The following ANKRD6 variants were observed in gnomAD, a reference collection of about 807,000 sequenced individuals.
ANKRD6 encodes the protein ankyrin repeat domain-containing protein 6.
Under a neutral mutation model 82.3 loss-of-function variants are expected in ANKRD6, and 56 were observed. That is an observed-to-expected ratio of 0.68 (90% CI 0.55 to 0.85). The LOEUF (loss-of-function observed/expected upper bound fraction) is 0.85. Ranked by LOEUF, ANKRD6 falls within the 40% of genes least tolerant of loss-of-function variation. ANKRD6 has a pLI of 0.00. For missense variants in ANKRD6, 852 were observed against 907.6 expected, an observed-to-expected ratio of 0.94 and a Z score of 0.79; for synonymous variants, 347 against 352.1, an observed-to-expected ratio of 0.99 and a Z score of 0.16.
At chr6:89,581,297 G>T (rs1325351844) in intron 2 of ANKRD6, among the ~76,000 whole-genome samples, 1 of 152,212 alleles carries the variant, frequency 6.6e-6, no homozygotes, top group Non-Finnish European at 1.5e-5. Context: ...GTACGATTAT[G>T]TTTGTGGGAT....
At chr6:89,566,459 G>A (rs1333925158) in intron 1 of ANKRD6, among the ~76,000 whole-genome samples, 1 of 152,210 alleles carries the variant, frequency 6.6e-6, no homozygotes, top group African/African-American at 2.4e-5. Context: ...CAACCAGGGG[G>A]CCTTTGATGA....
At chr6:89,602,827 C>T (rs2128176666) in intron 3 of ANKRD6, 1 of 532,956 alleles carries the variant, frequency 1.9e-6, no homozygotes, top group Non-Finnish European at 3.4e-6. Flanking sequence ...AGTTTATGAA[C>T]AAAATTTCTC....
intron 1 of ANKRD6, among the ~76,000 whole-genome samples, chr6:89,547,939 A>G (rs1785322223): frequency 6.6e-6 from 1 of 152,218 alleles, no homozygotes; most frequent in South Asian, 2.1e-4. Flanking sequence ...AATGAGGCTT[A>G]CAGGGCTTCA....
chr6:89,520,976 AG>A lies in ANKRD6; in HGVS notation c.-143-45857del, dbSNP rs199509131. Among the ~76,000 whole-genome samples the A allele has an allele frequency of 4.1e-3, 627 of 152,328 alleles. 4 individuals are homozygous for A. The highest frequency in any genetic ancestry group is 0.013 in the African/African-American group (557 of 41,572). The stretch of plus-strand genomic sequence containing the variant: ...GCATTCCAGCCTGGGTGACAGAGCA[AG>A]ACCATGTCTAAAAAAGAAAAATAGT... On this transcript the variant is annotated intron_variant, in intron 1 of 15. Coordinates refer to ENST00000339746, the MANE Select transcript of ANKRD6 (RefSeq NM_001242809.2).
intron 1 of ANKRD6, among the ~76,000 whole-genome samples, chr6:89,515,887 C>T (rs973955859): frequency 7.2e-5 from 11 of 152,306 alleles, no homozygotes; most frequent in South Asian, 6.2e-4. Flanking sequence ...TAGACAGAGA[C>T]GCACGAAGAG....
chr6:89,607,288 C>A (rs1411984917), intron 5 of ANKRD6, among the ~76,000 whole-genome samples: 1 of 151,646 alleles, frequency 6.6e-6, no homozygotes, highest in South Asian at 2.1e-4. Context: ...AGCAATAAAA[C>A]CAGTAAAATT....
intron 1 of ANKRD6, among the ~76,000 whole-genome samples, chr6:89,469,432 C>CT (rs1775209964): frequency 6.6e-6 from 1 of 152,208 alleles, no homozygotes; most frequent in Non-Finnish European, 1.5e-5. Context: ...GAGTGGGTCA[C>CT]TGCACACCCC....
chr6:89,449,737 C>T (rs1366254634), intron 1 of ANKRD6, among the ~76,000 whole-genome samples: 1 of 152,188 alleles, frequency 6.6e-6, no homozygotes, highest in South Asian at 2.1e-4. Context: ...CCAATAAAAG[C>T]TTCCCTTTAC....
chr6:89,560,500 A>G (rs1315836234), intron 1 of ANKRD6, among the ~76,000 whole-genome samples: 2 of 152,224 alleles, frequency 1.3e-5, no homozygotes, highest in African/African-American at 4.8e-5. Context: ...TGGGGGACGC[A>G]ATTCAGTTCA....
chr6:89,604,465 AC>A (rs1432560610), intron 4 of ANKRD6, among the ~76,000 whole-genome samples: 2 of 95,104 alleles, frequency 2.1e-5, no homozygotes, highest in East Asian at 7.2e-4. Context: ...GCCTCTGCTT[AC>A]TTTTTTTTTT....
chr6:89,625,128 C>T (rs1180835434), intron 13 of ANKRD6, among the ~76,000 whole-genome samples: 5 of 151,922 alleles, frequency 3.3e-5, no homozygotes, highest in African/African-American at 1.2e-4. Context: ...TCTAAAAATA[C>T]AAAAATTAGC....
chr6:89,591,347 C>A (rs1187993025), intron 2 of ANKRD6, among the ~76,000 whole-genome samples: 1 of 152,136 alleles, frequency 6.6e-6, no homozygotes. Context: ...AGTGATCCAC[C>A]CGCCTTGGCC....
intron 1 of ANKRD6, among the ~76,000 whole-genome samples, chr6:89,471,384 G>T (rs1466923406): frequency 3.3e-5 from 5 of 150,504 alleles, no homozygotes; most frequent in Middle Eastern, 3.5e-3. Flanking sequence ...AAAAAAAGAG[G>T]AGATCTAGGC....
chr6:89,527,467 A>G (rs1041490600), intron 1 of ANKRD6, among the ~76,000 whole-genome samples: 3 of 151,764 alleles, frequency 2.0e-5, no homozygotes, highest in Admixed American at 6.6e-5. Context: ...GTTGCTGGGT[A>G]CCTGTAATCC....
intron 1 of ANKRD6, among the ~76,000 whole-genome samples, chr6:89,470,805 G>T (rs1395091407): frequency 1.3e-5 from 2 of 151,732 alleles, no homozygotes; most frequent in Admixed American, 6.6e-5. Flanking sequence ...AAGTGAAATC[G>T]CTGGGTCAAA....
At position 89,567,061 on chromosome 6, in the gene ANKRD6, C is replaced by G; in HGVS notation, c.85C>G (p.Leu29Val). The change falls in exon 2 of 16, where the codon CTC (leucine) becomes GTC (valine). Residue 29 changes from leucine to valine, a missense_variant. Transcript: ENST00000339746. Reference sequence around the variant, plus strand: ...AGGCCAAACAGAGAATGTGGTTCAGCTCATCAACAAGGGCGCCAGGGTAGC... The same window carrying G: ...AGGCCAAACAGAGAATGTGGTTCAGGTCATCAACAAGGGCGCCAGGGTAGC... Reference protein sequence around the residue: ...YKGQTENVVQLINKGARVAVT... With the variant: ...YKGQTENVVQVINKGARVAVT... 1.2e-6 allele frequency: 2 copies of G among 1,605,886 alleles called. No homozygotes were observed. The highest frequency in any genetic ancestry group is 1.7e-6 in the Non-Finnish European group (2 of 1,176,014).
At chr6:89,574,137 C>T (rs887822711) in intron 2 of ANKRD6, among the ~76,000 whole-genome samples, 1 of 152,172 alleles carries the variant, frequency 6.6e-6, no homozygotes, top group African/African-American at 2.4e-5. Flanking sequence ...TGTTCTGCTG[C>T]TTATTAAAGG....
intron 2 of ANKRD6, among the ~76,000 whole-genome samples, chr6:89,587,208 A>T (rs1433764421): frequency 6.7e-6 from 1 of 148,210 alleles, no homozygotes; most frequent in African/African-American, 2.5e-5. Flanking sequence ...AAAAAAAAAA[A>T]GGCTGGGTGC....
chr6:89,501,745 T>C (rs1000669672), intron 1 of ANKRD6, among the ~76,000 whole-genome samples: 2 of 152,170 alleles, frequency 1.3e-5, no homozygotes, highest in Non-Finnish European at 2.9e-5. Context: ...AGTGAATGGG[T>C]GTTTTGTGCT....
Sources: gnomAD v4.1 joint callset for allele counts (sites outside exome capture counted in the v4.1 genomes callset) on GRCh38, gnomAD v4.1.1 for gene constraint, MANE v1.5 for transcripts, NCBI Gene and HGNC (gene_info 2026-07-23, HGNC 2026-07-21) for gene names.